CNTLN: variants seen among roughly 807,000 people sequenced by gnomAD.
The protein encoded by CNTLN is centlein, centrosomal protein.
Under a neutral mutation model 180.0 loss-of-function variants are expected in CNTLN, and 212 were observed. The ratio of observed to expected loss-of-function variants is 1.18; its 90% CI spans 1.05 to 1.32. The LOEUF is 1.32. Ranked by LOEUF, CNTLN falls within the 40% of genes most tolerant of loss-of-function variation. The pLI, the probability that CNTLN is intolerant of heterozygous loss-of-function variation, is 0.00. For missense variants in CNTLN, 2,095 were observed against 1,610.9 expected (o/e 1.30, Z -5.14); for synonymous variants, 722 against 563.1 (o/e 1.28, Z -3.99).
chr9:17,438,632 C>G (rs1381317456), intron 18 of CNTLN, among the ~76,000 whole-genome samples: 1 of 152,114 alleles, frequency 6.6e-6, no homozygotes, highest in Non-Finnish European at 1.5e-5. Context: ...CTAAAATCAA[C>G]AACAGCTTAT....
chr9:17,296,022 G>A (rs1379871969), intron 6 of CNTLN, among the ~76,000 whole-genome samples: 5 of 148,176 alleles, frequency 3.4e-5, no homozygotes, highest in African/African-American at 1.3e-4. Flanking sequence ...GTGTGTGTGT[G>A]TGTGTGTGTG....
At chr9:17,137,177 A>G (rs962769869) in intron 1 of CNTLN, among the ~76,000 whole-genome samples, 3 of 152,212 alleles carry the variant, frequency 2.0e-5, no homozygotes, top group African/African-American at 7.2e-5. Flanking sequence ...ACTCTTGGCA[A>G]ATGTAAGAAT....
chr9:17,191,754 G>A (rs528367942), intron 2 of CNTLN, among the ~76,000 whole-genome samples: 1 of 152,230 alleles, frequency 6.6e-6, no homozygotes, highest in South Asian at 2.1e-4. Context: ...GAGAAATAGT[G>A]AATAAATATT....
the CNTLN span, among the ~76,000 whole-genome samples, chr9:17,512,513 G>A: frequency 4.6e-5 from 7 of 152,254 alleles, no homozygotes; most frequent in Admixed American, 2.0e-4. Context: ...TACAAAATAG[G>A]GGAGAGAGTA....
At chr9:17,433,501 G>C (rs1353715853) in intron 18 of CNTLN, among the ~76,000 whole-genome samples, 2 of 152,034 alleles carry the variant, frequency 1.3e-5, no homozygotes, top group South Asian at 2.1e-4. Flanking sequence ...GGCCAGGCTG[G>C]TCTTGAACTC....
chr9:17,451,229 A>T (rs1830760587), intron 18 of CNTLN, among the ~76,000 whole-genome samples: 1 of 152,176 alleles, frequency 6.6e-6, no homozygotes, highest in African/African-American at 2.4e-5. Context: ...ATTTACATAT[A>T]TTCTGTTCAA....
intron 25 of CNTLN, among the ~76,000 whole-genome samples, chr9:17,498,827 G>GAT (rs942426714): frequency 5.3e-5 from 8 of 152,124 alleles, no homozygotes; most frequent in Admixed American, 2.0e-4. Flanking sequence ...AGATGTATTT[G>GAT]ATAGGGTGCA....
chr9:17,338,337 G>GTTTTTT (rs71331486), intron 10 of CNTLN, among the ~76,000 whole-genome samples: 2,537 of 100,354 alleles, frequency 0.025, 326 homozygotes, highest in African/African-American at 0.093. Flanking sequence ...GCTAATTTTT[G>GTTTTTT]TTTTTTTTTT....
chr9:17,483,163 A>G (rs936921326), intron 23 of CNTLN, among the ~76,000 whole-genome samples: 1 of 152,174 alleles, frequency 6.6e-6, no homozygotes, highest in African/African-American at 2.4e-5. Flanking sequence ...AAGAACTCCT[A>G]TAAATCCCTA....
chr9:17,404,968 C>T (rs537465900), intron 15 of CNTLN, among the ~76,000 whole-genome samples: 8 of 151,746 alleles, frequency 5.3e-5, no homozygotes, highest in Admixed American at 4.6e-4. Context: ...GAACTCCTGA[C>T]GTCAGGCAGT....
intron 19 of CNTLN, among the ~76,000 whole-genome samples, chr9:17,462,157 G>C (rs1564127063): frequency 6.6e-6 from 1 of 151,666 alleles, no homozygotes; most frequent in Non-Finnish European, 1.5e-5. Flanking sequence ...AAGATTTTGT[G>C]GGTTGACTGG....
the CNTLN span, among the ~76,000 whole-genome samples, chr9:17,510,084 C>T: frequency 3.3e-5 from 5 of 151,940 alleles, no homozygotes; most frequent in Admixed American, 6.6e-5. Context: ...ATTACTATGC[C>T]ATGTGGTTAA....
intron 8 of CNTLN, among the ~76,000 whole-genome samples, chr9:17,312,037 T>G (rs1181297424): frequency 1.3e-5 from 2 of 152,038 alleles, no homozygotes; most frequent in Admixed American, 6.5e-5. Flanking sequence ...TGTTCATATA[T>G]GTAGCTTTAT....
chr9:17,285,472 C>A (rs1828928055), intron 6 of CNTLN, among the ~76,000 whole-genome samples: 3 of 145,640 alleles, frequency 2.1e-5, no homozygotes, highest in Non-Finnish European at 4.5e-5. Flanking sequence ...CATACGTGTG[C>A]ATGTGTCTTT....
intron 5 of CNTLN, among the ~76,000 whole-genome samples, chr9:17,256,706 G>T (rs575265468): frequency 5.6e-4 from 85 of 152,026 alleles, no homozygotes; most frequent in Admixed American, 1.1e-3. Context: ...GCAGAGAAAA[G>T]CAGAAACAGA....
intron 2 of CNTLN, among the ~76,000 whole-genome samples, chr9:17,150,282 A>G (rs997833460): frequency 6.6e-6 from 1 of 152,202 alleles, no homozygotes; most frequent in Admixed American, 6.5e-5. Flanking sequence ...TTATGGTCCT[A>G]GGTCTTACGT....
intron 11 of CNTLN, among the ~76,000 whole-genome samples, chr9:17,342,092 A>G (rs1795262338): frequency 3.3e-5 from 5 of 152,184 alleles, no homozygotes; most frequent in Admixed American, 2.6e-4. Context: ...ACCTTAGAAT[A>G]TCATGTGTCT....
chr9:17,152,148 G>A (rs1818932311), intron 2 of CNTLN, among the ~76,000 whole-genome samples: 1 of 152,090 alleles, frequency 6.6e-6, no homozygotes, highest in South Asian at 2.1e-4. Context: ...GGTTTTTTGT[G>A]TCTCTATTTC....
At chr9:17,137,035 G>A (rs1377554681) in intron 1 of CNTLN, among the ~76,000 whole-genome samples, 1 of 152,156 alleles carries the variant, frequency 6.6e-6, no homozygotes, top group Non-Finnish European at 1.5e-5. Flanking sequence ...CTTGGTTAAG[G>A]AAGTCAGTCT....
Sources: allele counts gnomAD v4.1 joint callset (sites outside exome capture counted in the v4.1 genomes callset), GRCh38; gene constraint gnomAD v4.1.1; transcripts MANE v1.5; gene names NCBI Gene and HGNC (gene_info 2026-07-23, HGNC 2026-07-21).